COA1: variants seen among roughly 807,000 people sequenced by gnomAD.
COA1 encodes the protein cytochrome c oxidase assembly factor 1, also known as cytochrome c oxidase assembly factor 1 homolog.
In COA1, 13 loss-of-function variants were observed where a neutral mutation model predicts 16.0. That is an observed-to-expected ratio of 0.81 (90% CI 0.53 to 1.29). The LOEUF (loss-of-function observed/expected upper bound fraction) is 1.29. Among genes scored for constraint, COA1 ranks in the 50% most tolerant of loss-of-function variants. The probability of loss-of-function intolerance (pLI) is 0.00; values close to 1 mark genes in which losing one functional copy is unlikely to be tolerated. For synonymous variants in COA1, 65 were observed against 65.7 expected, an observed-to-expected ratio of 0.99 and a Z score of 0.05; for missense variants, 179 against 177.0, an observed-to-expected ratio of 1.01 and a Z score of -0.06.
chr7:43,630,095 G>A (rs1295892837), intron 6 of COA1, among the ~76,000 whole-genome samples: 1 of 152,220 alleles, frequency 6.6e-6, no homozygotes, highest in East Asian at 1.9e-4. Flanking sequence ...TACACCGCGC[G>A]GGTGAACAGT....
downstream of COA1, among the ~76,000 whole-genome samples, chr7:43,638,017 CTG>C (rs1382364255): frequency 6.6e-6 from 1 of 152,170 alleles, no homozygotes; most frequent in African/African-American, 2.4e-5. Context: ...AAGCACAAAA[CTG>C]TACAGTGCTC....
downstream of COA1, among the ~76,000 whole-genome samples, chr7:43,634,686 G>A (rs1459847759): frequency 6.6e-6 from 1 of 152,194 alleles, no homozygotes; most frequent in Non-Finnish European, 1.5e-5. Flanking sequence ...GGCTTTTGCT[G>A]ATGAGGCTGT....
chr7:43,638,514 G>A (rs1000339680), downstream of COA1, among the ~76,000 whole-genome samples: 1 of 150,574 alleles, frequency 6.6e-6, no homozygotes, highest in Non-Finnish European at 1.5e-5. Flanking sequence ...AGATGGATAA[G>A]AACCTATTAG....
intron 1 of COA1, chr7:43,656,074 G>T (rs1214689187): frequency 6.6e-6 from 1 of 152,218 alleles, no homozygotes; most frequent in Non-Finnish European, 1.5e-5. Flanking sequence ...GGACATTCTA[G>T]TTTAAGTGGG....
chr7:43,622,386 TAGATA>T (rs2083990431), intron 6 of COA1: 1 of 152,234 alleles, frequency 6.6e-6, no homozygotes, highest in African/African-American at 2.4e-5. Flanking sequence ...AAATGAGTAG[TAGATA>T]CATGACCTTG....
chr7:43,724,470 T>G (rs546646180), intron 1 of COA1, among the ~76,000 whole-genome samples: 1 of 151,806 alleles, frequency 6.6e-6, no homozygotes, highest in African/African-American at 2.4e-5. Context: ...GAGAATCACT[T>G]GAACCAGGAG....
rs555613298 is a variant in COA1 at position 43,662,992 on chromosome 7, C to T, written c.-38-14340G>A. ...AGTTTGGGTATTTGTCCCCCAAAAT[C>T]TCATGTTTAAATGTAATCCCCAATG... On this transcript the variant is annotated intron_variant, in intron 1 of 5. Transcript: ENST00000223336. Among the ~76,000 whole-genome samples the T allele has an allele frequency of 7.9e-5, 12 of 152,312 alleles. No individual in the cohort carries two copies. The South Asian group carries it at 2.5e-3, about 32-fold the overall frequency.
rs543651474 is a variant in COA1, at chr7:43,673,741, C to G, written c.-38-25089G>C. On this transcript the variant is annotated intron_variant, in intron 1 of 5. Coordinates refer to ENST00000223336, the MANE Select transcript of COA1 (RefSeq NM_018224.4). ...CACAATAGCAAAGACATGGAATCAACCTAAATGCCCACCAATGGTGGAATG... is the reference window on the plus strand; with the variant it reads ...CACAATAGCAAAGACATGGAATCAAGCTAAATGCCCACCAATGGTGGAATG... Among the ~76,000 whole-genome samples, 3 of 152,274 alleles carry G rather than the reference C, an allele frequency of 2.0e-5. No homozygotes were observed. In the South Asian group the frequency reaches 6.2e-4, roughly 32 times the overall value.
intron 1 of COA1, among the ~76,000 whole-genome samples, chr7:43,675,051 T>C (rs577056521): frequency 6.6e-6 from 1 of 152,276 alleles, no homozygotes; most frequent in South Asian, 2.1e-4. Flanking sequence ...CAGATGACAT[T>C]TACAATCACA....
At chr7:43,651,831 T>A (rs2090874816) in intron 1 of COA1, among the ~76,000 whole-genome samples, 1 of 151,252 alleles carries the variant, frequency 6.6e-6, no homozygotes, top group Non-Finnish European at 1.5e-5. Context: ...ACCGAAACTC[T>A]ACAAAAAATA....
chr7:43,684,866 G>C (rs1486958837), intron 1 of COA1, among the ~76,000 whole-genome samples: 3 of 152,152 alleles, frequency 2.0e-5, no homozygotes, highest in Non-Finnish European at 4.4e-5. Context: ...CAGAGAGACA[G>C]ACTGAGCTCT....
intron 1 of COA1, among the ~76,000 whole-genome samples, chr7:43,709,510 C>T (rs2095138969): frequency 6.6e-6 from 1 of 151,104 alleles, no homozygotes; most frequent in Admixed American, 6.6e-5. Flanking sequence ...AATGCTTCAG[C>T]ACTATTTACT....
intron 5 of COA1, 56 bp from the exon 6 acceptor site, chr7:43,639,737 G>A (rs541893044): frequency 1.0e-5 from 14 of 1,391,924 alleles, no homozygotes; most frequent in South Asian, 3.6e-5. Context: ...GGCAACAGCC[G>A]TAGTCAAAAA....
intron 1 of COA1, among the ~76,000 whole-genome samples, chr7:43,703,936 G>A (rs1159955797): frequency 6.6e-6 from 1 of 152,218 alleles, no homozygotes. Context: ...ATGTACTTAA[G>A]TGTGTTTTTG....
At chr7:43,711,096 C>T (rs1303497056) in intron 1 of COA1, among the ~76,000 whole-genome samples, 2 of 151,486 alleles carry the variant, frequency 1.3e-5, no homozygotes, top group African/African-American at 2.4e-5. Context: ...ACATTTTTTA[C>T]AATTTCAGTG....
At chr7:43,656,256 A>G (rs377390442) in intron 1 of COA1, 7 of 152,280 alleles carry the variant, frequency 4.6e-5, no homozygotes, top group Admixed American at 3.3e-4. Context: ...CTTTTACAAT[A>G]TCTTCTAAAA....
intron 6 of COA1, chr7:43,626,555 T>G (rs1346181373): frequency 6.6e-6 from 1 of 152,204 alleles, no homozygotes; most frequent in African/African-American, 2.4e-5. Flanking sequence ...GAGTTTTTAA[T>G]GAATATCCAT....
At chr7:43,699,074 T>G (rs1200219739) in intron 1 of COA1, among the ~76,000 whole-genome samples, 1 of 152,110 alleles carries the variant, frequency 6.6e-6, no homozygotes, top group Non-Finnish European at 1.5e-5. Context: ...ACAGCGTGGG[T>G]TAGGAAAGCT....
At chr7:43,707,258 T>G (rs369962733) in intron 1 of COA1, among the ~76,000 whole-genome samples, 89 of 152,264 alleles carry the variant, frequency 5.8e-4, no homozygotes, top group African/African-American at 2.1e-3. Context: ...ACATCAAGAC[T>G]GAAACAAATT....
Sources: allele counts gnomAD v4.1 joint callset (sites outside exome capture counted in the v4.1 genomes callset), GRCh38; gene constraint gnomAD v4.1.1; transcripts MANE v1.5; gene names NCBI Gene and HGNC (gene_info 2026-07-23, HGNC 2026-07-21).